LRRC4C: variants seen among roughly 807,000 people sequenced by gnomAD.
The protein encoded by LRRC4C is leucine-rich repeat-containing protein 4C.
LRRC4C carries 5 observed loss-of-function variants against 33.6 expected under a neutral mutation model. The observed-to-expected ratio is 0.15, with a 90% CI of 0.08 to 0.31. The LOEUF is 0.31. Ranked by LOEUF, LRRC4C falls within the 10% of genes least tolerant of loss-of-function variation. The pLI is 1.00. For missense variants in LRRC4C, 560 were observed against 796.7 expected (o/e 0.70, Z 3.58); for synonymous variants, 329 against 302.0 (o/e 1.09, Z -0.93).
At chr11:41,133,342 G>A (rs1590704326) in intron 1 of LRRC4C, among the ~76,000 whole-genome samples, 1 of 152,124 alleles carries the variant, frequency 6.6e-6, no homozygotes, top group African/African-American at 2.4e-5. Context: ...AAATACTTAG[G>A]AGGAGAGCAA....
At chr11:40,459,412 C>A (rs555160499) in intron 3 of LRRC4C, among the ~76,000 whole-genome samples, 1 of 133,876 alleles carries the variant, frequency 7.5e-6, no homozygotes, top group East Asian at 2.6e-4. Context: ...TAAGGGTGCC[C>A]ATCTCAGTCA....
intron 1 of LRRC4C, among the ~76,000 whole-genome samples, chr11:41,050,429 T>A (rs756708118): frequency 7.9e-5 from 12 of 152,154 alleles, no homozygotes; most frequent in Non-Finnish European, 1.6e-4. Context: ...TTTGTCCTAA[T>A]GATCTCCCTC....
intron 1 of LRRC4C, among the ~76,000 whole-genome samples, chr11:41,251,566 A>G (rs1388165397): frequency 1.3e-5 from 2 of 152,236 alleles, no homozygotes; most frequent in Non-Finnish European, 2.9e-5. Context: ...TTTTGGAAAC[A>G]ATATACTCAG....
intron 2 of LRRC4C, among the ~76,000 whole-genome samples, chr11:40,889,297 A>C (rs1241547677): frequency 6.6e-6 from 1 of 152,138 alleles, no homozygotes; most frequent in Non-Finnish European, 1.5e-5. Flanking sequence ...AATGTGAATT[A>C]AAGATTGAAA....
chr11:40,954,276 A>G (rs1958851194), intron 1 of LRRC4C, among the ~76,000 whole-genome samples: 1 of 151,958 alleles, frequency 6.6e-6, no homozygotes, highest in Non-Finnish European at 1.5e-5. Flanking sequence ...CTTGGAATAA[A>G]TAAATCTACC....
intron 1 of LRRC4C, among the ~76,000 whole-genome samples, chr11:41,415,025 G>C (rs1214564638): frequency 6.6e-6 from 1 of 152,066 alleles, no homozygotes; most frequent in Non-Finnish European, 1.5e-5. Context: ...ACTTGAAAAA[G>C]TAGCCTATTT....
At chr11:41,065,818 A>T (rs1938193211) in intron 1 of LRRC4C, among the ~76,000 whole-genome samples, 1 of 152,186 alleles carries the variant, frequency 6.6e-6, no homozygotes, top group Non-Finnish European at 1.5e-5. Flanking sequence ...CGTGCCGAAG[A>T]GGGGCCTGTT....
chr11:41,160,398 A>G (rs1158461646), intron 1 of LRRC4C, among the ~76,000 whole-genome samples: 1 of 151,222 alleles, frequency 6.6e-6, no homozygotes, highest in African/African-American at 2.4e-5. Flanking sequence ...AAAAAAAAAT[A>G]CATAAAATAT....
intron 3 of LRRC4C, among the ~76,000 whole-genome samples, chr11:40,450,601 T>G (rs1951839070): frequency 6.6e-6 from 1 of 152,040 alleles, no homozygotes; most frequent in South Asian, 2.1e-4. Flanking sequence ...AGTGCTATAA[T>G]CATTTAGCAA....
At chr11:41,300,630 AGAG>A (rs1304580581) in intron 1 of LRRC4C, among the ~76,000 whole-genome samples, 1 of 152,170 alleles carries the variant, frequency 6.6e-6, no homozygotes, top group Non-Finnish European at 1.5e-5. Context: ...GGTGCAGTGC[AGAG>A]GAGAATTCTT....
chr11:40,723,731 T>A (rs1947144364), intron 2 of LRRC4C, among the ~76,000 whole-genome samples: 1 of 152,060 alleles, frequency 6.6e-6, no homozygotes, highest in African/African-American at 2.4e-5. Flanking sequence ...GCTAACACCA[T>A]CATGACAGGA....
intron 5 of LRRC4C, among the ~76,000 whole-genome samples, chr11:40,177,830 G>A (rs1860637016): frequency 6.6e-6 from 1 of 151,976 alleles, no homozygotes; most frequent in African/African-American, 2.4e-5. Flanking sequence ...ACAGATCTTT[G>A]TCTGTATTTT....
chr11:40,570,559 T>C (rs1957943607), intron 3 of LRRC4C, among the ~76,000 whole-genome samples: 1 of 152,212 alleles, frequency 6.6e-6, no homozygotes, highest in African/African-American at 2.4e-5. Context: ...ATAATACTAC[T>C]ACCATTTAAG....
At chr11:40,659,269 T>TG (rs1308647404) in intron 2 of LRRC4C, among the ~76,000 whole-genome samples, 1 of 152,196 alleles carries the variant, frequency 6.6e-6, no homozygotes, top group Non-Finnish European at 1.5e-5. Flanking sequence ...TCTCTGGACT[T>TG]TGGGCCCTGA....
intron 3 of LRRC4C, among the ~76,000 whole-genome samples, chr11:40,442,222 T>C (rs550731420): frequency 6.8e-5 from 10 of 146,572 alleles, no homozygotes; most frequent in Non-Finnish European, 1.0e-4. Context: ...ATTGTAAAAG[T>C]CATTACAAAA....
At chr11:41,274,180 G>C (rs946135602) in intron 1 of LRRC4C, among the ~76,000 whole-genome samples, 28 of 152,114 alleles carry the variant, frequency 1.8e-4, no homozygotes, top group African/African-American at 6.5e-4. Flanking sequence ...AAGCAGCCAG[G>C]CTTAGAACAT....
At chr11:41,047,833 C>G (rs1057081863) in intron 1 of LRRC4C, among the ~76,000 whole-genome samples, 1 of 152,082 alleles carries the variant, frequency 6.6e-6, no homozygotes, top group Non-Finnish European at 1.5e-5. Context: ...TCCTTGTATA[C>G]TTTCTCATGG....
chr11:40,486,844 G>A (rs78978315), intron 3 of LRRC4C, among the ~76,000 whole-genome samples: 2,469 of 151,932 alleles, frequency 0.016, 34 homozygotes, highest in South Asian at 0.033. Context: ...TGTAAACAGC[G>A]CTAAGGAGAA....
At chr11:40,496,062 C>T (rs1954438673) in intron 3 of LRRC4C, among the ~76,000 whole-genome samples, 1 of 151,830 alleles carries the variant, frequency 6.6e-6, no homozygotes, top group Non-Finnish European at 1.5e-5. Context: ...AACTCCCGAC[C>T]TCGGGTGATC....
Sources: allele counts gnomAD v4.1 joint callset (sites outside exome capture counted in the v4.1 genomes callset), GRCh38; gene constraint gnomAD v4.1.1; transcripts MANE v1.5; gene names NCBI Gene and HGNC (gene_info 2026-07-23, HGNC 2026-07-21).